RIPOR3: variants seen among roughly 807,000 people sequenced by gnomAD.
RIPOR3 encodes family with sequence similarity 65 member C.
RIPOR3 carries 95 observed loss-of-function variants against 114.3 expected under a neutral mutation model. The observed-to-expected ratio is 0.83, with a 90% confidence interval of 0.70 to 0.99. RIPOR3 has a LOEUF of 0.99. Ranked by LOEUF, RIPOR3 falls within the 50% of genes least tolerant of loss-of-function variation. The probability of loss-of-function intolerance (pLI) is 0.00; values close to 1 mark genes in which losing one functional copy is unlikely to be tolerated. For synonymous variants in RIPOR3, 575 were observed against 543.8 expected (o/e 1.06, Z -0.80); for missense variants, 1,252 against 1,266.9 (o/e 0.99, Z 0.18).
chr20:50,598,720 C>T (rs1214550156), intron 13 of RIPOR3, among the ~76,000 whole-genome samples: 2 of 152,084 alleles, frequency 1.3e-5, no homozygotes, highest in African/African-American at 4.8e-5. Flanking sequence ...GCCTGGCCAA[C>T]ATGATGAAAC....
rs2083880791 is a variant in RIPOR3 at position 50,609,700 on chromosome 20, T to C, written c.449A>G (p.Tyr150Cys). Reference sequence around the variant, plus strand: ...GTCGCGCAGGCGGCACTGGATGCAGTAGTCCTCGTACAGCTCATCCACCTG... The same window carrying C: ...GTCGCGCAGGCGGCACTGGATGCAGCAGTCCTCGTACAGCTCATCCACCTG... ...ISKVDELYEDYCIQCRLRDGA... is the reference protein window; with the variant it reads ...ISKVDELYEDCCIQCRLRDGA... The change falls in exon 7 of 22, where the codon TAC (tyrosine) becomes TGC (cysteine). Residue 150 changes from tyrosine to cysteine, a missense_variant. Transcript: ENST00000327979. 5.0e-6 allele frequency: 7 copies of C among 1,389,630 alleles called. No individual in the cohort carries two copies. The East Asian group carries it at 1.7e-4, about 34-fold the overall frequency. 86.1% of individuals were successfully genotyped at this position (1,389,630 alleles called of 1,614,324 possible).
Position 50,602,944 on chromosome 20 carries a change from C to T in RIPOR3, c.1087-300G>A, listed in dbSNP as rs977538200. On this transcript the variant is annotated intron_variant, in intron 12 of 21. Coordinates refer to ENST00000327979, the MANE Select transcript of RIPOR3 (RefSeq NM_001290268.2). This position sits in a 1 kb window ranked among gnomAD's most constrained non-coding sequence, Gnocchi z 4.3. Reference sequence around the variant, plus strand: ...AGGGCCTTTGCACTGACTGTGCTCTCGTCAGAACACTCTTCCCCATGTGCC... The same window carrying T: ...AGGGCCTTTGCACTGACTGTGCTCTTGTCAGAACACTCTTCCCCATGTGCC... 1.3e-5 allele frequency among the ~76,000 whole-genome samples: 2 copies of T among 152,306 alleles called. No homozygotes were observed. Among genetic ancestry groups the T allele is most frequent in the Admixed American group, 6.5e-5 (1 of 15,298 alleles).
intron 1 of RIPOR3, among the ~76,000 whole-genome samples, chr20:50,644,752 G>C (rs1346962012): frequency 7.1e-6 from 1 of 140,622 alleles, no homozygotes; most frequent in Non-Finnish European, 1.5e-5. Context: ...AAACTCCTGG[G>C]CTCAAGCGAT....
intron 1 of RIPOR3, among the ~76,000 whole-genome samples, chr20:50,679,135 A>AATATATATATATATATATATATAT (rs1568964701): frequency 2.4e-3 from 49 of 20,750 alleles, no homozygotes; most frequent in Non-Finnish European, 3.4e-3. Flanking sequence ...AAAAAAAAAA[A>AATATATATATATATATATATATAT]ATATATATAT....
chr20:50,602,668 C>A lies in RIPOR3; in HGVS notation c.1087-24G>T. On this transcript the variant is annotated intron_variant, in intron 12 of 21. Coordinates refer to ENST00000327979, the MANE Select transcript of RIPOR3 (RefSeq NM_001290268.2). This position sits in a 1 kb window ranked among gnomAD's most constrained non-coding sequence, Gnocchi z 4.3. Reference sequence around the variant, plus strand: ...GACTGGAGAGGGGACACGGGAGCGGCCTCACCAGCCACCCCAGGGACCACA... The same window carrying A: ...GACTGGAGAGGGGACACGGGAGCGGACTCACCAGCCACCCCAGGGACCACA... 7.0e-7 allele frequency: 1 copy of A among 1,423,610 alleles called. No individual in the cohort carries two copies. The allele number at this position is 1,423,610 out of a possible 1,614,324, so 88.2% of individuals were successfully genotyped here.
intron 11 of RIPOR3, among the ~76,000 whole-genome samples, chr20:50,606,775 G>C (rs537986397): frequency 2.6e-5 from 4 of 151,696 alleles, no homozygotes; most frequent in East Asian, 3.9e-4. Flanking sequence ...TGTCACCCAG[G>C]CTGGAGTGCG....
chr20:50,645,402 G>A (rs1420014511), intron 1 of RIPOR3: 1 of 152,306 alleles, frequency 6.6e-6, no homozygotes, highest in Non-Finnish European at 1.5e-5. Flanking sequence ...GCAGCAGGGA[G>A]ATGCGGCCTC....
intron 20 of RIPOR3, among the ~76,000 whole-genome samples, chr20:50,588,750 A>G (rs1244337197): frequency 0.013 from 1,473 of 114,040 alleles, 20 homozygotes; most frequent in African/African-American, 0.039. Context: ...TTCTCAAGTG[A>G]AAAAAAAAAA....
chr20:50,599,904 T>C (rs2083436426), intron 13 of RIPOR3, among the ~76,000 whole-genome samples: 1 of 122,782 alleles, frequency 8.1e-6, no homozygotes, highest in Non-Finnish European at 1.6e-5. Flanking sequence ...ACACACACAC[T>C]TTTTTTTCTT....
chr20:50,595,473 A>T lies in RIPOR3; in HGVS notation c.1946T>A (p.Val649Asp). Residue 649 changes from valine to aspartate, a missense_variant, in exon 16 of 22, where the codon GTC becomes GAC. Physicochemically the swap from Val to Asp is radical, Grantham distance 152 (BLOSUM62 -3). Transcript: ENST00000327979. ...CACTTCTTCCAGGAGGCATTCCTGGACCAGCCTTGATAAATTAGGGGAGGC... is the reference window on the plus strand; with the variant it reads ...CACTTCTTCCAGGAGGCATTCCTGGTCCAGCCTTGATAAATTAGGGGAGGC... ...KLASPNLSRL[V>D]QECLLEEVAQ... The T allele has an allele frequency of 1.2e-6, 2 of 1,614,062 alleles. No homozygotes were observed. The highest frequency in any genetic ancestry group is 1.7e-6 in the Non-Finnish European group (2 of 1,180,014).
chr20:50,636,053 G>T (rs577554709), intron 1 of RIPOR3, among the ~76,000 whole-genome samples: 2 of 152,370 alleles, frequency 1.3e-5, no homozygotes, highest in Admixed American at 1.3e-4. Context: ...GACCGCGACA[G>T]TTCCCAGGCA....
intron 13 of RIPOR3, among the ~76,000 whole-genome samples, chr20:50,601,146 T>C (rs1264072133): frequency 6.6e-6 from 1 of 151,892 alleles, no homozygotes; most frequent in Non-Finnish European, 1.5e-5. Flanking sequence ...TAAAAGAGGG[T>C]GTCCAGGCCA....
In RIPOR3 at chr20:50,674,658, G is replaced by A. The variant is rs188153715; in HGVS notation, c.3+16468C>T. 5.5e-4 allele frequency among the ~76,000 whole-genome samples: 82 copies of A among 150,222 alleles called. 1 individual carries two copies. The highest frequency in any genetic ancestry group is 1.9e-3 in the African/African-American group (78 of 40,784). On this transcript the variant is annotated intron_variant, in intron 1 of 21. Coordinates refer to ENST00000327979, the MANE Select transcript of RIPOR3 (RefSeq NM_001290268.2). Reference sequence around the variant, plus strand: ...AATGACTGGTGTCCTTATTAGAAGAGGATAGGGGCTGGGCACAGTGGTTCA... The same window carrying A: ...AATGACTGGTGTCCTTATTAGAAGAAGATAGGGGCTGGGCACAGTGGTTCA...
At chr20:50,596,293 T>G (rs376015124) in intron 14 of RIPOR3, 30 bp from the exon 15 acceptor site, 6 of 1,613,572 alleles carry the variant, frequency 3.7e-6, no homozygotes, top group African/African-American at 2.7e-5. Context: ...GGGTGACCAT[T>G]CCAGTTAGCA....
At chr20:50,615,658 A>G (rs1369121635) in intron 4 of RIPOR3, among the ~76,000 whole-genome samples, 1 of 152,128 alleles carries the variant, frequency 6.6e-6, no homozygotes, top group Non-Finnish European at 1.5e-5. Context: ...CCAAGATGTG[A>G]CACCTGACCC....
rs890609070 is a variant in RIPOR3, at chr20:50,602,143, G to A, written c.1588C>T (p.Pro530Ser). The A allele has an allele frequency of 2.5e-6, 4 of 1,611,816 alleles. No homozygotes were observed. Among genetic ancestry groups the A allele is most frequent in the African/African-American group, 2.7e-5 (2 of 74,922 alleles). ...PLQEVLELLR[P>S]TDSTQPQLRE... ...AGCTGGGGCTGGGTGGAGTCCGTGG[G>A]CCTCAGCAACTCCAGGACCTCCTGC... The change falls in exon 13 of 22, where the codon CCC becomes TCC. Residue 530 changes from proline (P) to serine (S), a missense_variant. Pro to Ser is a moderately conservative substitution (Grantham distance 74). Coordinates refer to ENST00000327979, the MANE Select transcript of RIPOR3 (RefSeq NM_001290268.2). The surrounding 1 kb of genome is among the most constrained non-coding windows in gnomAD (Gnocchi z 4.3).
At chr20:50,685,638 A>G (rs1396736986) in intron 1 of RIPOR3, among the ~76,000 whole-genome samples, 1 of 132,248 alleles carries the variant, frequency 7.6e-6, no homozygotes, top group African/African-American at 2.8e-5. Context: ...AGCCTGGCCA[A>G]CATGGCGAAA....
intron 1 of RIPOR3, among the ~76,000 whole-genome samples, chr20:50,652,934 G>A (rs984620841): frequency 5.3e-5 from 8 of 152,184 alleles, no homozygotes; most frequent in African/African-American, 1.7e-4. Context: ...ATGTAAATAC[G>A]ACCCAGCAGT....
At chr20:50,636,778 A>C in intron 1 of RIPOR3, 4 of 985,478 alleles carry the variant, frequency 4.1e-6, no homozygotes, top group Non-Finnish European at 4.8e-6. Flanking sequence ...ACTCCCGCTA[A>C]GTCTGTCCGC....
Sources: allele counts gnomAD v4.1 joint callset (sites outside exome capture counted in the v4.1 genomes callset), GRCh38; gene constraint gnomAD v4.1.1; non-coding constraint Gnocchi (gnomAD v3.1); transcripts MANE v1.5; gene names NCBI Gene and HGNC (gene_info 2026-07-23, HGNC 2026-07-21).